Variants in ATP10B observed in about 807,000 individuals in gnomAD.
ATP10B encodes the protein ATPase phospholipid transporting 10B (putative).
In ATP10B, 122 loss-of-function variants were observed where a neutral mutation model predicts 141.2. The observed-to-expected ratio is 0.86, with a 90% confidence interval of 0.75 to 1.00. The LOEUF (loss-of-function observed/expected upper bound fraction) is 1.00, where lower values mean the gene tolerates loss of function less well. Ranked by LOEUF, ATP10B falls within the 50% of genes least tolerant of loss-of-function variation. The probability of loss-of-function intolerance (pLI) is 0.00; values close to 1 mark genes in which losing one functional copy is unlikely to be tolerated. For missense variants in ATP10B, 1,876 were observed against 1,825.3 expected (o/e 1.03, Z -0.51); for synonymous variants, 685 against 692.0 (o/e 0.99, Z 0.16).
At chr5:160,806,841 G>A (rs1052710368) in intron 1 of ATP10B, among the ~76,000 whole-genome samples, 7 of 152,150 alleles carry the variant, frequency 4.6e-5, no homozygotes, top group African/African-American at 1.7e-4. Flanking sequence ...TGACCAATAT[G>A]CCATCCTGCC....
chr5:160,862,875 T>C, the ATP10B span, among the ~76,000 whole-genome samples: 114,184 of 151,862 alleles, frequency 0.75, 44,050 homozygotes, highest in East Asian at 0.97. Context: ...GGATAGAAAA[T>C]ATATCTTACC....
chr5:160,763,413 T>G (rs1769184624), intron 2 of ATP10B, among the ~76,000 whole-genome samples: 1 of 152,060 alleles, frequency 6.6e-6, no homozygotes, highest in African/African-American at 2.4e-5. Flanking sequence ...AGACGAACCT[T>G]CAAAACTATA....
chr5:160,580,409 TTGAGG>T (rs1373092861), intron 24 of ATP10B, among the ~76,000 whole-genome samples: 1 of 152,238 alleles, frequency 6.6e-6, no homozygotes, highest in African/African-American at 2.4e-5. Context: ...TCTGCATCTA[TTGAGG>T]TAATTGTGTG....
At chr5:160,614,905 G>A (rs1330311388) in intron 17 of ATP10B, among the ~76,000 whole-genome samples, 1 of 152,126 alleles carries the variant, frequency 6.6e-6, no homozygotes, top group African/African-American at 2.4e-5. Flanking sequence ...CGTGGCCAGT[G>A]CATGCTGTTT....
intron 1 of ATP10B, among the ~76,000 whole-genome samples, chr5:160,803,045 T>C (rs1226064033): frequency 1.3e-5 from 2 of 152,220 alleles, no homozygotes; most frequent in African/African-American, 2.4e-5. Context: ...TTTGCTATCA[T>C]GGGCTTTCTC....
intron 3 of ATP10B, among the ~76,000 whole-genome samples, chr5:160,689,462 T>C (rs575107422): frequency 6.6e-6 from 1 of 152,314 alleles, no homozygotes; most frequent in African/African-American, 2.4e-5. Context: ...GACATGATTG[T>C]ATATTTAGAA....
In ATP10B at chr5:160,825,807, C is replaced by A. The variant is rs182885918; in HGVS notation, c.-576+26134G>T. On this transcript the variant is annotated intron_variant, in intron 1 of 25. Transcript: ENST00000327245. ...CAACACATACTCCTCTTCCCACCTC[C>A]GCCCTTCCCCTGACCAGTAGTCAGC... Among the ~76,000 whole-genome samples the A allele has an allele frequency of 2.0e-5, 3 of 152,260 alleles. No homozygotes were observed. The East Asian group carries it at 5.8e-4, about 29-fold the overall frequency.
chr5:160,865,560 A>G, the ATP10B span, among the ~76,000 whole-genome samples: 5 of 152,104 alleles, frequency 3.3e-5, no homozygotes, highest in South Asian at 6.2e-4. Context: ...CAACAAAAAC[A>G]AAAACAAATA....
chr5:160,647,922 A>G (rs1760409550), intron 8 of ATP10B, among the ~76,000 whole-genome samples: 1 of 152,024 alleles, frequency 6.6e-6, no homozygotes, highest in Admixed American at 6.6e-5. Context: ...TGGCCTGAGG[A>G]CATGTGGGTG....
At chr5:160,874,203 GCCT>G in the ATP10B span, among the ~76,000 whole-genome samples, 3 of 152,118 alleles carry the variant, frequency 2.0e-5, no homozygotes, top group Admixed American at 6.5e-5. Flanking sequence ...CGGGCAGACT[GCCT>G]CCTCAAGTGG....
intron 7 of ATP10B, among the ~76,000 whole-genome samples, chr5:160,665,006 C>T (rs1762239885): frequency 6.6e-6 from 1 of 152,198 alleles, no homozygotes; most frequent in African/African-American, 2.4e-5. Context: ...ATAAAGTCCT[C>T]TTGCCAGCTG....
At chr5:160,824,345 T>G (rs189465390) in intron 1 of ATP10B, among the ~76,000 whole-genome samples, 282 of 152,216 alleles carry the variant, frequency 1.9e-3, no homozygotes, top group African/African-American at 6.7e-3. Context: ...AAAATTGTTG[T>G]TCCAGCAGGT....
rs188908419 is a variant in ATP10B at position 160,832,937 on chromosome 5, G to A, written c.-576+19004C>T. Among the ~76,000 whole-genome samples the A allele has an allele frequency of 2.6e-3, 392 of 152,168 alleles. 2 individuals are homozygous for A. The highest frequency in any genetic ancestry group is 8.8e-3 in the African/African-American group (365 of 41,490). On this transcript the variant is annotated intron_variant, in intron 1 of 25. Coordinates refer to ENST00000327245, the MANE Select transcript of ATP10B (RefSeq NM_025153.3). ...CCTGGGCAAATCTAGCCCAAAGTAA[G>A]TCTGCAGTCACTCGTCACTCTCCAA...
At chr5:160,688,648 T>C in intron 4 of ATP10B, 112 bp downstream of exon 4, 1 of 531,296 alleles carries the variant, frequency 1.9e-6, no homozygotes, top group Non-Finnish European at 2.4e-6. Flanking sequence ...AATTGGATAG[T>C]ACAGAAAAAT....
At chr5:160,703,596 C>A (rs1253129043) in intron 3 of ATP10B, among the ~76,000 whole-genome samples, 1 of 151,924 alleles carries the variant, frequency 6.6e-6, no homozygotes, top group African/African-American at 2.4e-5. Context: ...CCTGCCTCAG[C>A]CTTCTGGGTA....
chr5:160,766,554 G>A (rs1345700903), intron 2 of ATP10B, among the ~76,000 whole-genome samples: 1 of 152,140 alleles, frequency 6.6e-6, no homozygotes, highest in Non-Finnish European at 1.5e-5. Context: ...AGGATGCAAA[G>A]GCATAAGAAT....
intron 7 of ATP10B, among the ~76,000 whole-genome samples, chr5:160,653,576 T>TACATACATATATACATATATATTAC (rs1561704815): frequency 3.4e-4 from 7 of 20,778 alleles, no homozygotes; most frequent in African/African-American, 2.7e-3. Context: ...TACATATACA[T>TACATACATATATACATATATATTAC]ATATACATAT....
chr5:160,883,955 C>T, the ATP10B span, among the ~76,000 whole-genome samples: 1 of 152,150 alleles, frequency 6.6e-6, no homozygotes, highest in Admixed American at 6.5e-5. Context: ...ATCAGGAAAT[C>T]TCAGCATCTT....
intron 6 of ATP10B, among the ~76,000 whole-genome samples, chr5:160,671,222 A>T (rs1762687278): frequency 6.6e-6 from 1 of 151,230 alleles, no homozygotes; most frequent in African/African-American, 2.4e-5. Flanking sequence ...TGTTCTTATG[A>T]ACATTTAGAA....
Sources: gnomAD v4.1 joint callset for allele counts (sites outside exome capture counted in the v4.1 genomes callset) on GRCh38, gnomAD v4.1.1 for gene constraint, MANE v1.5 for transcripts, NCBI Gene and HGNC (gene_info 2026-07-23, HGNC 2026-07-21) for gene names.